SLC38A10: variants seen among roughly 807,000 people sequenced by gnomAD.
SLC38A10 encodes solute carrier family 38 member 10.
In SLC38A10, 53 loss-of-function variants were observed where a neutral mutation model predicts 81.0. The ratio of observed to expected loss-of-function variants is 0.65; its 90% CI spans 0.53 to 0.82. The LOEUF (loss-of-function observed/expected upper bound fraction) is 0.82. SLC38A10 is among the 40% of genes least tolerant of loss of function. The probability of loss-of-function intolerance (pLI) is 0.00; values close to 1 mark genes in which losing one functional copy is unlikely to be tolerated. For missense variants in SLC38A10, 1,471 were observed against 1,545.0 expected (o/e 0.95, Z 0.80); for synonymous variants, 665 against 655.3 (o/e 1.01, Z -0.23).
rs562313272 is a variant in SLC38A10, at chr17:81,284,999, G to A, written c.218-104C>T. On this transcript the variant is annotated intron_variant, in intron 2 of 15. Transcript: ENST00000374759. ...CAAGGGCGATTTCACAGAAACCCAC[G>A]GGCCCAGATTCTCCGGGGCATGAGG... 36 of 970,860 alleles carry A rather than the reference G, an allele frequency of 3.7e-5. No homozygotes were observed. In the Admixed American group the frequency reaches 5.0e-4, roughly 13 times the overall value. 60.1% of individuals were successfully genotyped at this position (970,860 alleles called of 1,614,324 possible). A position where few individuals can be genotyped will look rare whatever the true frequency, so the allele number is the denominator to read the frequency against.
rs559511072 is a variant in SLC38A10 at position 81,246,839 on chromosome 17, A to AC, written c.2242+45dup. The AC allele has an allele frequency of 2.9e-3, 4,426 of 1,536,914 alleles. 21 individuals are homozygous for AC. Among genetic ancestry groups the AC allele is most frequent in the Middle Eastern group, 0.013 (67 of 5,250 alleles). ...CCCAGCCGCATGAGGACAGCAGGAGACCCCCTGCCTGGCCCCACCCCACTC... is the reference window on the plus strand; with the variant it reads ...CCCAGCCGCATGAGGACAGCAGGAGACCCCCCTGCCTGGCCCCACCCCACTC... On this transcript the variant is annotated intron_variant, in intron 15 of 15. Coordinates refer to ENST00000374759, the MANE Select transcript of SLC38A10 (RefSeq NM_001037984.3).
rs1295829313 is a variant in SLC38A10, at chr17:81,286,706, A to G, written c.218-1811T>C. Among the ~76,000 whole-genome samples, 3 of 152,036 alleles carry G rather than the reference A, an allele frequency of 2.0e-5. No homozygotes were observed. Among genetic ancestry groups the G allele is most frequent in the Non-Finnish European group, 2.9e-5 (2 of 68,000 alleles). On this transcript the variant is annotated intron_variant, in intron 2 of 15. Transcript: ENST00000374759. This position sits in a 1 kb window ranked among gnomAD's most constrained non-coding sequence, Gnocchi z 6.0. ...AGGGCGCGGCCTCCATGCAGGGTGT[A>G]CCCTACCCCAGGTGCAGTCAGATCT...
chr17:81,271,404 G>A (rs991450657), intron 9 of SLC38A10, among the ~76,000 whole-genome samples: 3 of 152,176 alleles, frequency 2.0e-5, no homozygotes, highest in South Asian at 2.1e-4. Context: ...AGGGCCTGGC[G>A]GGTGCTGCCA....
In SLC38A10 at chr17:81,282,736, C is replaced by T. The variant is rs536450067; in HGVS notation, c.358-404G>A. Among the ~76,000 whole-genome samples the T allele has an allele frequency of 3.9e-5, 6 of 152,324 alleles. No homozygotes were observed. The South Asian group carries it at 6.2e-4, about 16-fold the overall frequency. ...AAAGGCCACTACGAAGCACGGAAAA[C>T]GGAAGGTCGAATGGGGAGACAGAGT... On this transcript the variant is annotated intron_variant, in intron 4 of 15. Coordinates refer to ENST00000374759, the MANE Select transcript of SLC38A10 (RefSeq NM_001037984.3).
intron 11 of SLC38A10, among the ~76,000 whole-genome samples, chr17:81,256,832 G>C (rs114287046): frequency 6.6e-6 from 1 of 152,212 alleles, no homozygotes; most frequent in South Asian, 2.1e-4. Context: ...TGATCTTTGC[G>C]AATGTGAGGG....
intron 14 of SLC38A10, among the ~76,000 whole-genome samples, chr17:81,250,387 C>T (rs1057434160): frequency 3.9e-5 from 6 of 152,268 alleles, no homozygotes; most frequent in African/African-American, 9.6e-5. Context: ...GCGACTGGGA[C>T]GTGGCTGCTG....
At chr17:81,266,901 A>G (rs1428673956) in intron 10 of SLC38A10, among the ~76,000 whole-genome samples, 1 of 152,252 alleles carries the variant, frequency 6.6e-6, no homozygotes, top group African/African-American at 2.4e-5. Context: ...ATTTTTTGTT[A>G]GAGTCAGATG....
Position 81,251,616 on chromosome 17 carries a change from C to G in SLC38A10, c.1946-4G>C. 6.7e-7 allele frequency: 1 copy of G among 1,485,446 alleles called. No individual in the cohort carries two copies. The highest frequency in any genetic ancestry group is 8.9e-7 in the Non-Finnish European group (1 of 1,126,018). 92.0% of individuals were successfully genotyped at this position (1,485,446 alleles called of 1,614,324 possible). On this transcript the variant is annotated splice_region_variant and splice_polypyrimidine_tract_variant and intron_variant, in intron 13 of 15. Transcript: ENST00000374759. ...GCTGGGAGGGGAGGCTTCCCACCTG[C>G]ACACACGGTGAAGACTCAGAAGGTT...
At chr17:81,251,395 A>C in intron 14 of SLC38A10, 98 bp downstream of exon 14, 1 of 1,611,942 alleles carries the variant, frequency 6.2e-7, no homozygotes, top group Non-Finnish European at 8.5e-7. Flanking sequence ...GGGGCCTGGC[A>C]GGGCTCCCGA....
chr17:81,250,872 TGGA>T (rs1336139288), intron 14 of SLC38A10: 3 of 1,061,022 alleles, frequency 2.8e-6, no homozygotes, highest in South Asian at 4.1e-5. Flanking sequence ...GCGAGAAGTT[TGGA>T]GGAGGATTCA....
Position 81,289,648 on chromosome 17 carries a change from C to A in SLC38A10, c.217+43G>T. 7.2e-7 allele frequency: 1 copy of A among 1,387,996 alleles called. No individual in the cohort carries two copies. The allele number at this position is 1,387,996 out of a possible 1,614,324, so 86.0% of individuals were successfully genotyped here. Reference sequence around the variant, plus strand: ...ATAAATAAATAAATGGAATAAGGCCCCCGCCCCAGGTCCAGAGCCACCTTG... The same window carrying A: ...ATAAATAAATAAATGGAATAAGGCCACCGCCCCAGGTCCAGAGCCACCTTG... On this transcript the variant is annotated intron_variant, in intron 2 of 15. Coordinates refer to ENST00000374759, the MANE Select transcript of SLC38A10 (RefSeq NM_001037984.3). This position sits in a 1 kb window ranked among gnomAD's most constrained non-coding sequence, Gnocchi z 5.9.
In SLC38A10 at chr17:81,270,014, A is replaced by G. The variant is rs1343180531; in HGVS notation, c.1131+904T>C. On this transcript the variant is annotated intron_variant, in intron 10 of 15. Transcript: ENST00000374759. This position sits in a 1 kb window ranked among gnomAD's most constrained non-coding sequence, Gnocchi z 4.0. ...TATTCCAGTAAGAAAAAGCTCAACAACTCCATAAAAAGTGAGCAAAGAACA... is the reference window on the plus strand; with the variant it reads ...TATTCCAGTAAGAAAAAGCTCAACAGCTCCATAAAAAGTGAGCAAAGAACA... Among the ~76,000 whole-genome samples, 1 of 152,114 alleles carries G rather than the reference A, an allele frequency of 6.6e-6. No homozygotes were observed. Among genetic ancestry groups the G allele is most frequent in the Admixed American group, 6.6e-5 (1 of 15,262 alleles).
At chr17:81,294,253 AC>A (rs1463397330) in intron 1 of SLC38A10, among the ~76,000 whole-genome samples, 1 of 151,620 alleles carries the variant, frequency 6.6e-6, no homozygotes, top group African/African-American at 2.4e-5. Flanking sequence ...CAGTTCTCGA[AC>A]TCCTGACCTC....
Position 81,260,331 on chromosome 17 carries a change from C to G in SLC38A10, c.1195G>C (p.Glu399Gln). ...VSTVTTLSVS[E>Q]EVPEDLAEEA... ...TCTGCCAAGTCCTCGGGGACCTCCT[C>G]GCTCACAGACAGTGTGGTGACAGTG... Residue 399 changes from glutamate (E) to glutamine (Q), a missense_variant, in exon 11 of 16, where the codon GAG becomes CAG. Around this residue, in one of 2 missense-constraint regions of SLC38A10, gnomAD observed 720 missense variants for 827.7 expected, o/e 0.87. Transcript: ENST00000374759. 6.2e-7 allele frequency: 1 copy of G among 1,609,410 alleles called. No homozygotes were observed. Among genetic ancestry groups the G allele is most frequent in the Non-Finnish European group, 8.5e-7 (1 of 1,178,530 alleles).
intron 14 of SLC38A10, chr17:81,250,737 C>T: frequency 1.2e-6 from 1 of 811,700 alleles, no homozygotes; most frequent in Non-Finnish European, 1.5e-6. Flanking sequence ...GGGTGGACCC[C>T]TAGCCTGGGA....
At chr17:81,275,679 T>G (rs1428510821) in intron 8 of SLC38A10, among the ~76,000 whole-genome samples, 1 of 133,034 alleles carries the variant, frequency 7.5e-6, no homozygotes, top group Non-Finnish European at 1.5e-5. Context: ...TTGCAGTGAG[T>G]CGAGATCGCG....
Position 81,245,521 on chromosome 17 carries a change from G to A in SLC38A10, c.*35C>T. On this transcript the variant is annotated 3_prime_UTR_variant, in exon 16 of 16. Coordinates refer to ENST00000374759, the MANE Select transcript of SLC38A10 (RefSeq NM_001037984.3). ...ACAGACCTGCTGCTGGCCGAGGAGG[G>A]CAGTGGCTGGCGTGGCCCTCATGGC... The A allele has an allele frequency of 1.9e-6, 3 of 1,553,278 alleles. No homozygotes were observed. The highest frequency in any genetic ancestry group is 2.6e-6 in the Non-Finnish European group (3 of 1,148,586).
At chr17:81,282,430 G>A (rs1219239247) in intron 4 of SLC38A10, 98 bp from the exon 5 acceptor site, 2 of 1,484,500 alleles carry the variant, frequency 1.3e-6, no homozygotes, top group Admixed American at 4.1e-5. Context: ...GAGCCCGAAA[G>A]CCGACGGCAT....
intron 5 of SLC38A10, among the ~76,000 whole-genome samples, chr17:81,280,958 CT>C (rs2063207011): frequency 6.6e-6 from 1 of 152,352 alleles, no homozygotes; most frequent in East Asian, 1.9e-4. Context: ...TCAGAGCACC[CT>C]GGTTCATCCC....
Sources: gnomAD v4.1 joint callset for allele counts (sites outside exome capture counted in the v4.1 genomes callset) on GRCh38, gnomAD v4.1.1 for gene constraint, gnomAD v4.1.1 regional missense constraint, Gnocchi (gnomAD v3.1) non-coding constraint, MANE v1.5 for transcripts, NCBI Gene and HGNC (gene_info 2026-07-23, HGNC 2026-07-21) for gene names.